The following NDC1 variants were observed in gnomAD, a reference collection of about 807,000 sequenced individuals.
NDC1 encodes the protein NDC1 transmembrane nucleoporin.
A neutral mutation model predicts 89.8 loss-of-function variants in NDC1; 24 were observed. The ratio of observed to expected loss-of-function variants is 0.27; its 90% CI spans 0.19 to 0.38. The LOEUF (loss-of-function observed/expected upper bound fraction) is 0.38, where lower values mean the gene tolerates loss of function less well. Among genes scored for constraint, NDC1 ranks in the 10% least tolerant of loss-of-function variants. The pLI is 1.00. For synonymous variants in NDC1, 296 were observed against 284.8 expected (o/e 1.04, Z -0.39); for missense variants, 728 against 797.6 (o/e 0.91, Z 1.05).
At chr1:53,771,328 T>C (rs1477239914) in intron 17 of NDC1, among the ~76,000 whole-genome samples, 1 of 152,240 alleles carries the variant, frequency 6.6e-6, no homozygotes, top group Non-Finnish European at 1.5e-5. Flanking sequence ...TTCAGGTTCA[T>C]GTTTAATACG....
intron 6 of NDC1, among the ~76,000 whole-genome samples, chr1:53,815,758 C>T (rs1648455553): frequency 6.6e-6 from 1 of 152,180 alleles, no homozygotes; most frequent in African/African-American, 2.4e-5. Context: ...GCAAAGTTTC[C>T]AGCTACAAGA....
intron 9 of NDC1, 42 bp from the exon 10 acceptor site, chr1:53,804,051 C>A: frequency 6.9e-7 from 1 of 1,440,914 alleles, no homozygotes; most frequent in Non-Finnish European, 9.7e-7. Context: ...TTTTTTTTAA[C>A]CTCTACATAA....
chr1:53,838,274 C>G lies in NDC1; in HGVS notation c.-13G>C. On this transcript the variant is annotated 5_prime_UTR_variant, in exon 1 of 18. Transcript: ENST00000371429. ...CGGCCGTGGCCATGGAGATGGCGGC[C>G]CCTAGTCTAGGGCGTACAGGAGACC... The G allele has an allele frequency of 6.5e-7, 1 of 1,536,682 alleles. No individual in the cohort carries two copies. Among genetic ancestry groups the G allele is most frequent in the Non-Finnish European group, 8.7e-7 (1 of 1,145,144 alleles).
intron 6 of NDC1, 109 bp from the exon 7 acceptor site, chr1:53,809,855 A>G (rs1423033712): frequency 1.3e-6 from 1 of 767,040 alleles, no homozygotes; most frequent in African/African-American, 1.7e-5. Context: ...CCAAGACCTC[A>G]GTCAAAATGT....
intron 6 of NDC1, among the ~76,000 whole-genome samples, chr1:53,811,919 T>C (rs1286868933): frequency 6.6e-6 from 1 of 151,974 alleles, no homozygotes; most frequent in Admixed American, 6.6e-5. Flanking sequence ...CCAGAAACAG[T>C]TCACATCACA....
intron 3 of NDC1, among the ~76,000 whole-genome samples, chr1:53,830,882 C>A (rs191697037): frequency 6.8e-6 from 1 of 147,702 alleles, no homozygotes; most frequent in South Asian, 2.2e-4. Flanking sequence ...AAATTCCTCC[C>A]GGTCTGAGTA....
At chr1:53,770,233 T>C (rs559055129) in intron 17 of NDC1, among the ~76,000 whole-genome samples, 3 of 152,252 alleles carry the variant, frequency 2.0e-5, no homozygotes, top group South Asian at 4.2e-4. Context: ...CGCTAAAATA[T>C]GGCTCTTTTC....
chr1:53,826,163 A>G (rs1648854799), intron 4 of NDC1, among the ~76,000 whole-genome samples: 1 of 152,234 alleles, frequency 6.6e-6, no homozygotes, highest in Non-Finnish European at 1.5e-5. Flanking sequence ...GTTCCCCTGG[A>G]AATCTGACAT....
intron 14 of NDC1, among the ~76,000 whole-genome samples, chr1:53,792,909 C>T (rs909454488): frequency 6.6e-6 from 1 of 152,206 alleles, no homozygotes; most frequent in Non-Finnish European, 1.5e-5. Context: ...CCAAGAAGCA[C>T]CAGATAGCCA....
intron 10 of NDC1, among the ~76,000 whole-genome samples, chr1:53,802,166 G>A (rs564644745): frequency 4.6e-5 from 7 of 152,132 alleles, no homozygotes; most frequent in Non-Finnish European, 1.0e-4. Flanking sequence ...ACTCAAATCT[G>A]ATAGAAAAGC....
At chr1:53,779,148 C>G (rs1421991288) in intron 16 of NDC1, among the ~76,000 whole-genome samples, 2 of 141,974 alleles carry the variant, frequency 1.4e-5, no homozygotes, top group Non-Finnish European at 3.0e-5. Context: ...AAAAAATTGT[C>G]ATGTAACATA....
intron 16 of NDC1, among the ~76,000 whole-genome samples, chr1:53,772,857 T>C (rs1031836241): frequency 1.3e-5 from 2 of 152,174 alleles, no homozygotes; most frequent in Non-Finnish European, 2.9e-5. Context: ...CACATATCTA[T>C]AGCTATGCTG....
chr1:53,792,099 C>T lies in NDC1; in HGVS notation c.1635+1130G>A, dbSNP rs191532082. Among the ~76,000 whole-genome samples the T allele has an allele frequency of 3.3e-5, 5 of 151,916 alleles. No homozygotes were observed. In the East Asian group the frequency reaches 7.7e-4, roughly 24 times the overall value. On this transcript the variant is annotated intron_variant, in intron 14 of 17. Transcript: ENST00000371429. ...CTGGGACCACAGGCGCCCACCACTG[C>T]GCCTGGCTAATTTTTTGTATTTTTA...
rs555503665 is a variant in NDC1 at position 53,766,627 on chromosome 1, G to A, written c.*1343C>T. 9 of 152,296 alleles carry A rather than the reference G, an allele frequency of 5.9e-5. No homozygotes were observed. In the South Asian group the frequency reaches 1.9e-3, roughly 32 times the overall value. The allele number at this position is 152,296 out of a possible 1,614,324, so 9.4% of individuals were successfully genotyped here. A position where few individuals can be genotyped will look rare whatever the true frequency, so the allele number is the denominator to read the frequency against. On this transcript the variant is annotated 3_prime_UTR_variant, in exon 18 of 18. Transcript: ENST00000371429. The stretch of plus-strand genomic sequence containing the variant: ...ATTTATAATTTGGCATGTACTGCTT[G>A]AAGGGGCAACAGGACCCGGAGCTAA...
chr1:53,768,064 T>A (rs1303200254), intron 17 of NDC1, 31 bp from the exon 18 acceptor site: 1 of 1,526,308 alleles, frequency 6.6e-7, no homozygotes, highest in Non-Finnish European at 9.0e-7. Flanking sequence ...AAGCATAAGC[T>A]TTATTTTACA....
intron 6 of NDC1, among the ~76,000 whole-genome samples, chr1:53,810,792 T>C (rs893703359): frequency 6.6e-6 from 1 of 152,190 alleles, no homozygotes; most frequent in Non-Finnish European, 1.5e-5. Flanking sequence ...CAGGACTAGA[T>C]TGCAGCTCCA....
chr1:53,810,966 G>A (rs1477606206), intron 6 of NDC1, among the ~76,000 whole-genome samples: 1 of 152,226 alleles, frequency 6.6e-6, no homozygotes, highest in Non-Finnish European at 1.5e-5. Flanking sequence ...AACTGTGGAA[G>A]TGGAAAAGGA....
At chr1:53,791,435 G>GAAA (rs35668416) in intron 14 of NDC1, among the ~76,000 whole-genome samples, 2 of 95,246 alleles carry the variant, frequency 2.1e-5, no homozygotes, top group Non-Finnish European at 4.3e-5. Flanking sequence ...GACTCCGTCT[G>GAAA]AAAAAAAAAA....
rs572390959 is a variant in NDC1 at position 53,836,588 on chromosome 1, C to T, written c.58-968G>A. Among the ~76,000 whole-genome samples, 9 of 152,140 alleles carry T rather than the reference C, an allele frequency of 5.9e-5. No individual in the cohort carries two copies. The South Asian group carries it at 1.5e-3, about 25-fold the overall frequency. On this transcript the variant is annotated intron_variant, in intron 1 of 17. Coordinates refer to ENST00000371429, the MANE Select transcript of NDC1 (RefSeq NM_018087.5). ...TCAGCTCACTGCAACCTCCTCCTCCCGGGTTCAAGTGATTCTCCTGCCTCA... is the reference window on the plus strand; with the variant it reads ...TCAGCTCACTGCAACCTCCTCCTCCTGGGTTCAAGTGATTCTCCTGCCTCA...
Sources: gnomAD v4.1 joint callset for allele counts (sites outside exome capture counted in the v4.1 genomes callset) on GRCh38, gnomAD v4.1.1 for gene constraint, MANE v1.5 for transcripts, NCBI Gene and HGNC (gene_info 2026-07-23, HGNC 2026-07-21) for gene names.